The following CUX1 variants were observed in gnomAD, a reference collection of about 807,000 sequenced individuals.
CUX1 encodes cut like homeobox 1.
In CUX1, 31 loss-of-function variants were observed where a neutral mutation model predicts 158.8. That is an observed-to-expected ratio of 0.20 (90% CI 0.15 to 0.26). CUX1 has a LOEUF of 0.26. CUX1 is among the 10% of genes least tolerant of loss of function. The probability of loss-of-function intolerance (pLI) is 1.00; values close to 1 mark genes in which losing one functional copy is unlikely to be tolerated. For synonymous variants in CUX1, 879 were observed against 862.1 expected, an observed-to-expected ratio of 1.02 and a Z score of -0.34; for missense variants, 1,589 against 2,014.6, an observed-to-expected ratio of 0.79 and a Z score of 4.04.
At chr7:102,094,272 G>A (rs1828955912) in intron 4 of CUX1, among the ~76,000 whole-genome samples, 1 of 152,204 alleles carries the variant, frequency 6.6e-6, no homozygotes, top group African/African-American at 2.4e-5. Flanking sequence ...CTGTGCTGTA[G>A]TAAAGTTTGG....
intron 2 of CUX1, among the ~76,000 whole-genome samples, chr7:101,917,225 A>T (rs1403324012): frequency 6.6e-6 from 1 of 152,232 alleles, no homozygotes; most frequent in Non-Finnish European, 1.5e-5. Flanking sequence ...CTGGGAAATT[A>T]TATGTGAATT....
chr7:101,876,170 A>AC (rs1020221353), intron 1 of CUX1, among the ~76,000 whole-genome samples: 2 of 151,660 alleles, frequency 1.3e-5, no homozygotes, highest in African/African-American at 4.9e-5. Flanking sequence ...ACATGGCGAA[A>AC]CCCCATCTCT....
At chr7:102,074,837 C>G (rs537509745) in intron 4 of CUX1, among the ~76,000 whole-genome samples, 1 of 152,192 alleles carries the variant, frequency 6.6e-6, no homozygotes, top group African/African-American at 2.4e-5. Context: ...AGCATCACCT[C>G]CCACCTTACT....
At chr7:101,991,426 T>G (rs1280889410) in intron 2 of CUX1, among the ~76,000 whole-genome samples, 2 of 152,218 alleles carry the variant, frequency 1.3e-5, no homozygotes, top group Non-Finnish European at 2.9e-5. Flanking sequence ...CTAGCCTATG[T>G]ATTGGATTTT....
intron 3 of CUX1, among the ~76,000 whole-genome samples, chr7:102,041,404 G>A (rs1299142265): frequency 4.0e-5 from 6 of 148,396 alleles, no homozygotes; most frequent in Non-Finnish European, 8.9e-5. Context: ...TCAGGTGTGC[G>A]CCACCATGTC....
At chr7:101,887,168 G>C (rs1378022325) in intron 1 of CUX1, among the ~76,000 whole-genome samples, 2 of 152,126 alleles carry the variant, frequency 1.3e-5, no homozygotes, top group Admixed American at 1.3e-4. Context: ...TGGGGAGGGG[G>C]TCTCTAGGAG....
intron 9 of CUX1, among the ~76,000 whole-genome samples, chr7:102,164,045 G>C (rs1488255949): frequency 1.3e-5 from 2 of 152,232 alleles, no homozygotes; most frequent in Non-Finnish European, 2.9e-5. Flanking sequence ...ATTGGTGACA[G>C]TAAAGGATCA....
intron 1 of CUX1, among the ~76,000 whole-genome samples, chr7:101,863,245 T>TA (rs1010133196): frequency 6.6e-6 from 1 of 150,928 alleles, no homozygotes; most frequent in Non-Finnish European, 1.5e-5. Context: ...ATGTCATAAT[T>TA]AAAAAAAAAT....
At position 102,227,209 on chromosome 7, in the gene CUX1, CA is replaced by C. The variant is rs529055038; in HGVS notation, c.3131-151del. On this transcript the variant is annotated intron_variant, in intron 20 of 23. Transcript: ENST00000292535. ...TGGAAGACTAGAGGTTACTCTCAGT[CA>C]AAAAAATATGAAACAGTTCACTAAG... Among the ~76,000 whole-genome samples, 8 of 152,038 alleles carry C rather than the reference CA, an allele frequency of 5.3e-5. No individual in the cohort carries two copies. The South Asian group carries it at 8.3e-4, about 16-fold the overall frequency.
At chr7:101,976,617 A>G (rs1812717822) in intron 2 of CUX1, among the ~76,000 whole-genome samples, 1 of 152,164 alleles carries the variant, frequency 6.6e-6, no homozygotes, top group African/African-American at 2.4e-5. Flanking sequence ...TTTTTTGGGC[A>G]GCCATTAAAG....
intron 2 of CUX1, among the ~76,000 whole-genome samples, chr7:101,965,039 C>G (rs1810989436): frequency 6.6e-6 from 1 of 152,172 alleles, no homozygotes; most frequent in Non-Finnish European, 1.5e-5. Flanking sequence ...ACCTTTTGTT[C>G]TATAACAAGC....
At chr7:101,946,586 G>A (rs1438495508) in intron 2 of CUX1, among the ~76,000 whole-genome samples, 1 of 151,826 alleles carries the variant, frequency 6.6e-6, no homozygotes, top group East Asian at 1.9e-4. Flanking sequence ...TTTCCAGCAG[G>A]AGGGTCAGTG....
At chr7:102,086,383 T>A (rs570568772) in intron 4 of CUX1, among the ~76,000 whole-genome samples, 1 of 152,250 alleles carries the variant, frequency 6.6e-6, no homozygotes, top group African/African-American at 2.4e-5. Context: ...GTGGTCAGAG[T>A]ACATGTTTGT....
chr7:102,069,431 T>C (rs1214844535), intron 3 of CUX1, among the ~76,000 whole-genome samples: 1 of 152,196 alleles, frequency 6.6e-6, no homozygotes, highest in African/African-American at 2.4e-5. Context: ...GAGCACAAGC[T>C]GACATGCAAA....
chr7:101,816,835 C>T (rs1173256403), upstream of CUX1: 2 of 835,882 alleles, frequency 2.4e-6, no homozygotes, highest in East Asian at 1.3e-4. Context: ...TCGCTACCCC[C>T]GGCCGGCCCC....
At chr7:102,070,707 C>A (rs1826029325) in intron 4 of CUX1, among the ~76,000 whole-genome samples, 1 of 152,224 alleles carries the variant, frequency 6.6e-6, no homozygotes, top group Admixed American at 6.5e-5. Context: ...CCTGCACGTA[C>A]TGCAGAGAAG....
chr7:102,004,958 A>T (rs1427498651), intron 2 of CUX1, among the ~76,000 whole-genome samples: 1 of 152,188 alleles, frequency 6.6e-6, no homozygotes, highest in African/African-American at 2.4e-5. Flanking sequence ...TGTAAAAACC[A>T]TTCTTAGCTC....
intron 3 of CUX1, among the ~76,000 whole-genome samples, chr7:102,063,613 G>A (rs549195378): frequency 1.3e-5 from 2 of 152,038 alleles, no homozygotes; most frequent in East Asian, 1.9e-4. Flanking sequence ...GGCTGGTCTC[G>A]AACTCCTGAC....
intron 9 of CUX1, among the ~76,000 whole-genome samples, chr7:102,163,004 G>A (rs1230039169): frequency 6.6e-6 from 1 of 152,180 alleles, no homozygotes; most frequent in African/African-American, 2.4e-5. Flanking sequence ...GGCTCAAAGG[G>A]TCCCTTTTGA....
Sources: gnomAD v4.1 joint callset for allele counts (sites outside exome capture counted in the v4.1 genomes callset) on GRCh38, gnomAD v4.1.1 for gene constraint, MANE v1.5 for transcripts, NCBI Gene and HGNC (gene_info 2026-07-23, HGNC 2026-07-21) for gene names.